The following IL17REL variants were observed in gnomAD, a reference collection of about 807,000 sequenced individuals.
IL17REL encodes interleukin-17 receptor E-like protein.
IL17REL carries 36 observed loss-of-function variants against 49.0 expected under a neutral mutation model. The observed-to-expected ratio is 0.73, with a 90% CI of 0.56 to 0.97. IL17REL has a LOEUF of 0.97. Among genes scored for constraint, IL17REL ranks in the 50% least tolerant of loss-of-function variants. IL17REL has a pLI of 0.00. For synonymous variants in IL17REL, 206 were observed against 192.4 expected, an observed-to-expected ratio of 1.07 and a Z score of -0.58; for missense variants, 470 against 453.9, an observed-to-expected ratio of 1.04 and a Z score of -0.32.
chr22:50,007,180 T>A (rs548522377), intron 1 of IL17REL, among the ~76,000 whole-genome samples: 5 of 152,120 alleles, frequency 3.3e-5, no homozygotes, highest in African/African-American at 1.2e-4. Context: ...ACTATTAATA[T>A]CAGGACTCAA....
intron 11 of IL17REL, 55 bp from the exon 14 acceptor site, chr22:49,997,129 A>G (rs2061040265): frequency 6.6e-7 from 1 of 1,511,124 alleles, no homozygotes; most frequent in African/African-American, 1.4e-5. Flanking sequence ...ATCAGGCTAA[A>G]CACTGTCCTT....
chr22:50,009,727 G>A (rs529709718), upstream of IL17REL, among the ~76,000 whole-genome samples: 6 of 152,306 alleles, frequency 3.9e-5, no homozygotes, highest in African/African-American at 1.4e-4. Flanking sequence ...AATAAAAGTC[G>A]GGCCCACTTC....
At chr22:50,005,493 A>C (rs1309295720) in intron 1 of IL17REL, among the ~76,000 whole-genome samples, 1 of 152,102 alleles carries the variant, frequency 6.6e-6, no homozygotes, top group African/African-American at 2.4e-5. Flanking sequence ...GAGGCTGAGG[A>C]CAACTCTGTG....
chr22:50,010,465 C>T (rs2061133250), upstream of IL17REL, among the ~76,000 whole-genome samples: 1 of 152,256 alleles, frequency 6.6e-6, no homozygotes, highest in Non-Finnish European at 1.5e-5. Flanking sequence ...CTGTGTGGAA[C>T]TGCAGGGGGG....
intron 1 of IL17REL, among the ~76,000 whole-genome samples, chr22:50,007,262 A>AT (rs1293272924): frequency 6.6e-6 from 1 of 152,100 alleles, no homozygotes; most frequent in Non-Finnish European, 1.5e-5. Flanking sequence ...CCTCCACCCA[A>AT]TGCGTAGGTT....
rs150917337 is a variant in IL17REL at position 49,994,810 on chromosome 22, C to A, written c.*2095G>T. The A allele has an allele frequency of 6.6e-3, 1,000 of 152,628 alleles. 13 individuals are homozygous for A. The highest frequency in any genetic ancestry group is 0.025 in the South Asian group (121 of 4,834). The allele number at this position is 152,628 out of a possible 1,614,324, so 9.5% of individuals were successfully genotyped here. On this transcript the variant is annotated 3_prime_UTR_variant, in exon 13 of 13. Coordinates refer to ENST00000341280, the Ensembl canonical transcript of IL17REL. ...CTCAGCGGGGAAGCCGGAGAGCCTA[C>A]GTGACCCACACGAGAAGTCTTCAAG...
intron 9 of IL17REL, 137 bp from the exon 12 acceptor site, chr22:49,997,879 C>T: frequency 2.2e-6 from 3 of 1,378,158 alleles, no homozygotes; most frequent in Non-Finnish European, 3.1e-6. Flanking sequence ...CCTTAGCTCA[C>T]CCACTGTCAG....
At position 49,999,580 on chromosome 22, in the gene IL17REL, C is replaced by T. The variant is rs2061061977; in HGVS notation, c.475-78G>A. The T allele has an allele frequency of 8.5e-6, 6 of 705,424 alleles. No individual in the cohort carries two copies. In the Admixed American group the frequency reaches 1.0e-4, roughly 12 times the overall value. 43.7% of individuals were successfully genotyped at this position (705,424 alleles called of 1,614,324 possible). On this transcript the variant is annotated intron_variant, in intron 5 of 12. Transcript: ENST00000341280. The stretch of plus-strand genomic sequence containing the variant: ...TGGGGTGGGCGGGACCTGCACCGAA[C>T]GGGGCGGGAGCGGGGACGGGAGGTG...
At chr22:50,003,473 A>G (rs1194973727) in intron 1 of IL17REL, among the ~76,000 whole-genome samples, 1 of 140,600 alleles carries the variant, frequency 7.1e-6, no homozygotes, top group Non-Finnish European at 1.5e-5. Context: ...GTGAGCCAAG[A>G]TCGTGCCACT....
chr22:50,010,897 G>T (rs1036798273), upstream of IL17REL, among the ~76,000 whole-genome samples: 6 of 151,892 alleles, frequency 4.0e-5, no homozygotes, highest in African/African-American at 1.4e-4. Flanking sequence ...CTTCCCAGCG[G>T]CCGGCGTCGG....
At chr22:50,002,694 C>T (rs1356936327) in intron 1 of IL17REL, among the ~76,000 whole-genome samples, 3 of 152,066 alleles carry the variant, frequency 2.0e-5, no homozygotes, top group African/African-American at 7.2e-5. Flanking sequence ...AAGGTTTCAC[C>T]ATGCTGGCCA....
intron 1 of IL17REL, among the ~76,000 whole-genome samples, chr22:50,002,463 T>C (rs2061084733): frequency 6.6e-6 from 1 of 151,554 alleles, no homozygotes. Flanking sequence ...GAATATGCTA[T>C]GGGTAAGAAA....
intron 2 of IL17REL, 97 bp downstream of exon 3, chr22:50,000,985 C>A: frequency 7.9e-7 from 1 of 1,272,398 alleles, no homozygotes; most frequent in East Asian, 2.5e-5. Context: ...GCCCCCCTCC[C>A]TCACCAGGCC....
chr22:50,010,506 G>A (rs1337485940), upstream of IL17REL, among the ~76,000 whole-genome samples: 1 of 152,220 alleles, frequency 6.6e-6, no homozygotes, highest in Non-Finnish European at 1.5e-5. Flanking sequence ...CCTCCCTCCC[G>A]CCAGGTGCCC....
intron 10 of IL17REL, 46 bp from the exon 13 acceptor site, chr22:49,997,529 C>T: frequency 7.4e-7 from 1 of 1,342,732 alleles, no homozygotes; most frequent in Non-Finnish European, 1.1e-6. Flanking sequence ...CAGCACCCCA[C>T]CGCCTCCCTT....
At chr22:50,000,890 T>C (rs1409715403) in intron 2 of IL17REL, 27 bp from the exon 4 acceptor site, 3 of 1,492,272 alleles carry the variant, frequency 2.0e-6, no homozygotes, top group Non-Finnish European at 1.8e-6. Flanking sequence ...CCCGGCAGGG[T>C]GCATCAGAGC....
At chr22:50,002,960 G>C (rs2061087383) in intron 1 of IL17REL, among the ~76,000 whole-genome samples, 1 of 152,222 alleles carries the variant, frequency 6.6e-6, no homozygotes, top group Non-Finnish European at 1.5e-5. Context: ...TGGGAGACAG[G>C]AAACGGCCAC....
upstream of IL17REL, among the ~76,000 whole-genome samples, chr22:50,011,075 G>C (rs1264727603): frequency 7.3e-6 from 1 of 137,716 alleles, no homozygotes; most frequent in Non-Finnish European, 1.5e-5. Context: ...GGGCTCCCGC[G>C]CCCCCTCGCA....
chr22:50,006,783 C>G (rs946399673), intron 1 of IL17REL, among the ~76,000 whole-genome samples: 1 of 151,966 alleles, frequency 6.6e-6, no homozygotes, highest in African/African-American at 2.4e-5. Flanking sequence ...GAAACTCTGT[C>G]TCTACTAAAA....
Sources: gnomAD v4.1 joint callset for allele counts (sites outside exome capture counted in the v4.1 genomes callset) on GRCh38, gnomAD v4.1.1 for gene constraint, MANE v1.5 for transcripts, NCBI Gene and HGNC (gene_info 2026-07-23, HGNC 2026-07-21) for gene names.